The following FAM187B variants were observed in gnomAD, a reference collection of about 807,000 sequenced individuals.
FAM187B encodes the protein protein FAM187B.
In FAM187B, 22 loss-of-function variants were observed where a neutral mutation model predicts 22.6. That is an observed-to-expected ratio of 0.97 (90% confidence interval 0.70 to 1.39). The LOEUF is 1.39. FAM187B is among the 40% of genes most tolerant of loss of function. The pLI is 0.00. For missense variants in FAM187B, 433 were observed against 462.1 expected (o/e 0.94, Z 0.58); for synonymous variants, 192 against 201.8 (o/e 0.95, Z 0.41).
intron 1 of FAM187B, 125 bp downstream of exon 1, chr19:35,227,834 T>C: frequency 7.1e-7 from 1 of 1,402,326 alleles, no homozygotes; most frequent in Non-Finnish European, 9.6e-7. Flanking sequence ...GGCCTGGCAC[T>C]GTCCTGATGA....
At chr19:35,226,387 C>T (rs1471859550) in intron 1 of FAM187B, among the ~76,000 whole-genome samples, 2 of 152,022 alleles carry the variant, frequency 1.3e-5, no homozygotes, top group Admixed American at 6.6e-5. Flanking sequence ...CACCTGAGCC[C>T]GGGGAATTGA....
In FAM187B at chr19:35,228,046, C is replaced by T. The variant is rs1345789985; in HGVS notation, c.635G>A (p.Arg212Lys). 1 of 1,614,182 alleles carries T rather than the reference C, an allele frequency of 6.2e-7. No individual in the cohort carries two copies. The highest frequency in any genetic ancestry group is 1.1e-5 in the South Asian group (1 of 91,088). ...HVQCTNNTQL[R>K]VDYVIFDNFR... is the part of the protein sequence containing the mutation. ...GTTGTCAAAAATGACGTAATCCACC[C>T]TTAACTGTGTGTTATTGGTGCACTG... Residue 212 changes from arginine (R) to lysine (K), a missense_variant, in exon 1 of 2, where the codon AGG (arginine) becomes AAG (lysine). Arg to Lys is a conservative substitution (Grantham distance 26). Coordinates refer to ENST00000324675, the MANE Select transcript of FAM187B (RefSeq NM_152481.2).
rs2145469292 is a variant in FAM187B at position 35,228,599 on chromosome 19, T to A, written c.82A>T (p.Lys28Ter). 1 of 1,614,110 alleles carries A rather than the reference T, an allele frequency of 6.2e-7. No homozygotes were observed. The highest frequency in any genetic ancestry group is 2.2e-5 in the East Asian group (1 of 44,882). ...FYFSISCPSG[K>*]QCQQALLSGN... ...GAGAGTAGGGCCTGTTGGCACTGCT[T>A]ACCACTGGGGCAGCTGATGGAAAAG... The change falls in exon 1 of 2, where the codon AAG (lysine) becomes TAG (stop). Residue 28 changes from lysine (K) to a stop codon, truncating the protein, a stop_gained. Transcript: ENST00000324675. LOFTEE classifies it high-confidence loss of function.
chr19:35,226,626 G>A (rs552593064), intron 1 of FAM187B, among the ~76,000 whole-genome samples: 2 of 152,244 alleles, frequency 1.3e-5, no homozygotes, highest in South Asian at 2.1e-4. Flanking sequence ...ATCAGGCACC[G>A]ACACACCCAG....
chr19:35,226,289 C>T (rs1193818793), intron 1 of FAM187B, among the ~76,000 whole-genome samples: 2 of 152,062 alleles, frequency 1.3e-5, no homozygotes, highest in Non-Finnish European at 2.9e-5. Context: ...CAAAGTGAGA[C>T]CTCATCTCTA....
Position 35,224,852 on chromosome 19 carries a change from TCTC to T in FAM187B, c.1080_1082del (p.Arg361del). The T allele has an allele frequency of 1.2e-6, 2 of 1,612,452 alleles. No homozygotes were observed. Among genetic ancestry groups the T allele is most frequent in the Non-Finnish European group, 8.5e-7 (1 of 1,179,154 alleles). ...ATTTCACCACCAGCACCTGTGTGCT[TCTC>T]CTGCCCGGGGAAGGGTGGATGCACT... On this transcript the variant is annotated inframe_deletion, in exon 2 of 2. Transcript: ENST00000324675.
chr19:35,227,113 G>T (rs939121488), intron 1 of FAM187B, among the ~76,000 whole-genome samples: 1 of 152,182 alleles, frequency 6.6e-6, no homozygotes, highest in South Asian at 2.1e-4. Context: ...GGAGGATTCT[G>T]CCCAGCTCAC....
Position 35,227,931 on chromosome 19 carries a change from TAGGGGCCAGAGGC to T in FAM187B, c.722+15_722+27del, listed in dbSNP as rs2065666354. 6.3e-7 allele frequency: 1 copy of T among 1,576,652 alleles called. No homozygotes were observed. The highest frequency in any genetic ancestry group is 2.2e-5 in the East Asian group (1 of 44,526). ...GATCCCCTGACCGGAAGAATCTGGG[TAGGGGCCAGAGGC>T]AGGGATTCCATCACCTGTACATGGA... is the stretch of plus-strand genomic sequence containing the variant. On this transcript the variant is annotated intron_variant, in intron 1 of 1. Transcript: ENST00000324675.
rs1216531185 is a variant in FAM187B at position 35,225,006 on chromosome 19, C to T, written c.929G>A (p.Arg310Lys). The change falls in exon 2 of 2, where the codon AGA becomes AAA. Residue 310 changes from arginine to lysine, a missense_variant. Physicochemically the swap from Arg to Lys is conservative, Grantham distance 26 (BLOSUM62 2). Coordinates refer to ENST00000324675, the MANE Select transcript of FAM187B (RefSeq NM_152481.2). ...CTCCCGCCACTGGGCATCGTTCTCTCTCCACTGAGCCTCCAGCGTCTCCAG... is the reference window on the plus strand; with the variant it reads ...CTCCCGCCACTGGGCATCGTTCTCTTTCCACTGAGCCTCCAGCGTCTCCAG... ...ASLETLEAQW[R>K]ENDAQWREAR... 1.9e-6 allele frequency: 3 copies of T among 1,613,754 alleles called. No individual in the cohort carries two copies. The highest frequency in any genetic ancestry group is 1.3e-5 in the African/African-American group (1 of 74,946).
intron 1 of FAM187B, among the ~76,000 whole-genome samples, chr19:35,227,645 C>T (rs1286205227): frequency 6.6e-6 from 1 of 152,120 alleles, no homozygotes; most frequent in African/African-American, 2.4e-5. Flanking sequence ...ATGGGAAGCC[C>T]CGGGGGCACC....
intron 1 of FAM187B, among the ~76,000 whole-genome samples, chr19:35,225,677 C>T (rs1398075998): frequency 6.6e-6 from 1 of 152,014 alleles, no homozygotes; most frequent in African/African-American, 2.4e-5. Flanking sequence ...GCTGGACATG[C>T]TGACATGCGC....
chr19:35,228,082 G>T lies in FAM187B; in HGVS notation c.599C>A (p.Ala200Asp). ...SRLRPELQVE[A>D]CHVQCTNNTQ... ...GTTATTGGTGCACTGGACGTGGCAG[G>T]CTTCCACCTGCAGCTCAGGCCGCAA... The change falls in exon 1 of 2, where the codon GCC (alanine) becomes GAC (aspartate). Residue 200 changes from alanine to aspartate, a missense_variant. By Grantham distance (126) the Ala-to-Asp change is moderately radical. Coordinates refer to ENST00000324675, the MANE Select transcript of FAM187B (RefSeq NM_152481.2). The T allele has an allele frequency of 6.2e-7, 1 of 1,614,244 alleles. No individual in the cohort carries two copies. Among genetic ancestry groups the T allele is most frequent in the Non-Finnish European group, 8.5e-7 (1 of 1,180,048 alleles).
chr19:35,225,186 G>C lies in FAM187B; in HGVS notation c.749C>G (p.Thr250Ser). The change falls in exon 2 of 2, where the codon ACC becomes AGC. Residue 250 changes from threonine to serine, a missense_variant. Physicochemically the swap from Thr to Ser is moderately conservative, Grantham distance 58. Coordinates refer to ENST00000324675, the MANE Select transcript of FAM187B (RefSeq NM_152481.2). ...GAGCTGGCTCTCCCACGTCAGGGGG[G>C]TGTCGTTGGCACGCCAGTTGACGGG... ...YRPVNWRAND[T>S]PLTWESQLSG... 6.6e-7 allele frequency: 1 copy of C among 1,514,218 alleles called. No individual in the cohort carries two copies. Among genetic ancestry groups the C allele is most frequent in the Non-Finnish European group, 8.8e-7 (1 of 1,130,152 alleles). 93.8% of individuals were successfully genotyped at this position (1,514,218 alleles called of 1,614,324 possible). A position where few individuals can be genotyped will look rare whatever the true frequency, so the allele number is the denominator to read the frequency against.
chr19:35,228,017 T>G lies in FAM187B; in HGVS notation c.664A>C (p.Arg222=), dbSNP rs140411401. 48 of 1,614,078 alleles carry G rather than the reference T, an allele frequency of 3.0e-5. No individual in the cohort carries two copies. Among genetic ancestry groups the G allele is most frequent in the Non-Finnish European group, 3.9e-5 (46 of 1,180,024 alleles). ...RVDYVIFDNF[R]LDEKTEFVWL... is the part of the protein sequence containing the mutation. ...ACAAATTCTGTCTTCTCATCGAGCC[T>G]GAAGTTGTCAAAAATGACGTAATCC... The change falls in exon 1 of 2, where the codon AGG becomes CGG. Residue 222 remains arginine (R), a synonymous_variant. Transcript: ENST00000324675.
In FAM187B at chr19:35,224,938, C is replaced by T. The variant is rs1304781116; in HGVS notation, c.997G>A (p.Gly333Arg). The T allele has an allele frequency of 1.9e-6, 3 of 1,613,730 alleles. No individual in the cohort carries two copies. The highest frequency in any genetic ancestry group is 2.7e-5 in the African/African-American group (2 of 74,924). The change falls in exon 2 of 2, where the codon GGG (glycine) becomes AGG (arginine). Residue 333 changes from glycine (G) to arginine (R), a missense_variant. Transcript: ENST00000324675. ...ACCACGAGCAGCACCAGCTTCAGCC[C>T]CTTGAGCACGGAGTCCGCCCTGCCC... ...LRGRADSVLK[G>R]LKLVLLVVTV...
rs1312225286 is a variant in FAM187B, at chr19:35,228,221, A to G, written c.460T>C (p.Cys154Arg). 1 of 1,614,070 alleles carries G rather than the reference A, an allele frequency of 6.2e-7. No homozygotes were observed. The highest frequency in any genetic ancestry group is 8.5e-7 in the Non-Finnish European group (1 of 1,180,032). ...CGTTTACACTCGCCCGGCTCCTCAC[A>G]GCGGTTGCAGTCCTGCCAGGGCTCC... ...WWEPWQDCNR[C>R]EEPGECKRLG... Residue 154 changes from cysteine (C) to arginine (R), a missense_variant, in exon 1 of 2, where the codon TGT becomes CGT. By Grantham distance (180) the Cys-to-Arg change is radical. Transcript: ENST00000324675.
In FAM187B at chr19:35,225,223, G is replaced by A; in HGVS notation, c.723-11C>T. 1 of 1,476,672 alleles carries A rather than the reference G, an allele frequency of 6.8e-7. No individual in the cohort carries two copies. Among genetic ancestry groups the A allele is most frequent in the Admixed American group, 2.6e-5 (1 of 38,388 alleles). 91.5% of individuals were successfully genotyped at this position (1,476,672 alleles called of 1,614,324 possible). ...CGCCAGTTGACGGGCCTGCGAGGAG[G>A]ACAAGGTCAGGTGCAGGGCCAGGGA... On this transcript the variant is annotated splice_polypyrimidine_tract_variant and intron_variant, in intron 1 of 1. Transcript: ENST00000324675.
At position 35,228,476 on chromosome 19, in the gene FAM187B, T is replaced by C; in HGVS notation, c.205A>G (p.Ile69Val). The C allele has an allele frequency of 6.2e-7, 1 of 1,614,184 alleles. No individual in the cohort carries two copies. The highest frequency in any genetic ancestry group is 1.1e-5 in the South Asian group (1 of 91,080). ...TCGGGCATTATTTCCATATTGGAAA[T>C]ATTGGTGAGGCTGGTGAGCCTGCCC... ...KKGRLTSLTN[I>V]SNMEIMPEGS... Residue 69 changes from isoleucine to valine, a missense_variant, in exon 1 of 2, where the codon ATT becomes GTT. Transcript: ENST00000324675.
rs556294833 is a variant in FAM187B at position 35,225,039 on chromosome 19, G to T, written c.896C>A (p.Ala299Asp). The part of the protein sequence containing the change: ...QQELVAQFKP[A>D]ASLETLEAQW... ...AGCCTCCAGCGTCTCCAGACTGGCGGCGGGTTTGAACTGGGCCACGAGCTC... is the reference window on the plus strand; with the variant it reads ...AGCCTCCAGCGTCTCCAGACTGGCGTCGGGTTTGAACTGGGCCACGAGCTC... Residue 299 changes from alanine to aspartate, a missense_variant, in exon 2 of 2, where the codon GCC (alanine) becomes GAC (aspartate). Coordinates refer to ENST00000324675, the MANE Select transcript of FAM187B (RefSeq NM_152481.2). 2 of 1,613,444 alleles carry T rather than the reference G, an allele frequency of 1.2e-6. No individual in the cohort carries two copies. Among genetic ancestry groups the T allele is most frequent in the Admixed American group, 3.3e-5 (2 of 59,980 alleles).
Sources: allele counts gnomAD v4.1 joint callset (sites outside exome capture counted in the v4.1 genomes callset), GRCh38; gene constraint gnomAD v4.1.1; transcripts MANE v1.5; gene names NCBI Gene and HGNC (gene_info 2026-07-23, HGNC 2026-07-21).